The following MTG1 variants were observed in gnomAD, a reference collection of about 807,000 sequenced individuals.
MTG1 encodes mitochondrial ribosome-associated GTPase 1.
MTG1 carries 30 observed loss-of-function variants against 39.5 expected under a neutral mutation model. The ratio of observed to expected loss-of-function variants is 0.76; its 90% CI spans 0.57 to 1.03. MTG1 has a LOEUF of 1.03. Ranked by LOEUF, MTG1 falls within the 50% of genes least tolerant of loss-of-function variation. The pLI is 0.00. For missense variants in MTG1, 513 were observed against 447.4 expected (o/e 1.15, Z -1.32); for synonymous variants, 217 against 179.0 (o/e 1.21, Z -1.69).
At chr10:133,397,911 A>G (rs1246556402) in intron 3 of MTG1, among the ~76,000 whole-genome samples, 1 of 152,104 alleles carries the variant, frequency 6.6e-6, no homozygotes, top group Non-Finnish European at 1.5e-5. Flanking sequence ...TATAGGGCAC[A>G]GCAGTGTCTG....
In MTG1 at chr10:133,407,182, T is replaced by G. The variant is rs372457874; in HGVS notation, c.752+4409T>G. Among the ~76,000 whole-genome samples, 18 of 152,332 alleles carry G rather than the reference T, an allele frequency of 1.2e-4. No homozygotes were observed. The East Asian group carries it at 2.7e-3, about 23-fold the overall frequency. ...GTGTATGTGTTTTATGCCAGTAGCGTGCTGTTTTTGGTTACTACGAATATT... is the reference window on the plus strand; with the variant it reads ...GTGTATGTGTTTTATGCCAGTAGCGGGCTGTTTTTGGTTACTACGAATATT... On this transcript the variant is annotated intron_variant, in intron 9 of 10. Coordinates refer to ENST00000317502, the MANE Select transcript of MTG1 (RefSeq NM_138384.4).
In MTG1 at chr10:133,395,757, A is replaced by C. The variant is rs747179497; in HGVS notation, c.157A>C (p.Ile53Leu). ...CAGCCTGAAGCTGGTGGACTGTATC[A>C]TCGAGGTCCACGATGCCCGGATATC... is the stretch of plus-strand genomic sequence containing the variant. Reference protein sequence around the residue: ...QSSLKLVDCIIEVHDARIPLS... With the variant: ...QSSLKLVDCILEVHDARIPLS... Residue 53 changes from isoleucine to leucine, a missense_variant, in exon 2 of 11, where the codon ATC becomes CTC. Coordinates refer to ENST00000317502, the MANE Select transcript of MTG1 (RefSeq NM_138384.4). 1 of 1,614,152 alleles carries C rather than the reference A, an allele frequency of 6.2e-7. No homozygotes were observed. The highest frequency in any genetic ancestry group is 1.1e-5 in the South Asian group (1 of 91,070).
intron 9 of MTG1, among the ~76,000 whole-genome samples, chr10:133,412,596 T>G (rs1850063348): frequency 6.6e-6 from 1 of 152,234 alleles, no homozygotes; most frequent in Admixed American, 6.5e-5. Flanking sequence ...GTATTTGAGA[T>G]GTGGTGAGAA....
intron 9 of MTG1, among the ~76,000 whole-genome samples, chr10:133,415,515 G>A (rs1249728338): frequency 1.3e-5 from 2 of 152,222 alleles, no homozygotes; most frequent in Non-Finnish European, 2.9e-5. Context: ...CTGATGAGCC[G>A]TCTGCGGTCA....
At chr10:133,408,865 T>G (rs36118799) in intron 9 of MTG1, among the ~76,000 whole-genome samples, 37,348 of 152,132 alleles carry the variant, frequency 0.25, 4,792 homozygotes, top group East Asian at 0.34. Flanking sequence ...TAATGATCCC[T>G]TGTATTTCTG....
At chr10:133,395,813 T>C (rs1329930115) in intron 2 of MTG1, 36 bp downstream of exon 2, 1 of 1,597,694 alleles carries the variant, frequency 6.3e-7, no homozygotes, top group Admixed American at 1.7e-5. Flanking sequence ...CCCCTCTGCC[T>C]GAAGTCATAT....
chr10:133,415,733 C>G lies in MTG1; in HGVS notation c.753-3747C>G, dbSNP rs148700377. Among the ~76,000 whole-genome samples, 1,168 of 152,328 alleles carry G rather than the reference C, an allele frequency of 7.7e-3. 8 individuals are homozygous for G. Among genetic ancestry groups the G allele is most frequent in the South Asian group, 0.012 (58 of 4,832 alleles). On this transcript the variant is annotated intron_variant, in intron 9 of 10. Coordinates refer to ENST00000317502, the MANE Select transcript of MTG1 (RefSeq NM_138384.4). ...TTGTAGTTCATTGAGATTTTTGGAT[C>G]TGGGTCTTTGTAGTTTTCATGAAAT...
chr10:133,402,600 C>A lies in MTG1; in HGVS notation c.671-92C>A. On this transcript the variant is annotated intron_variant, in intron 8 of 10. Transcript: ENST00000317502. The surrounding 1 kb of genome is among the most constrained non-coding windows in gnomAD (Gnocchi z 4.7). ...TGGCCTCTTCCTCACGGCACGGTGT[C>A]TTTGGGCTAGGACTGGAAGGGATGT... 5.0e-6 allele frequency: 6 copies of A among 1,191,040 alleles called. No homozygotes were observed. Among genetic ancestry groups the A allele is most frequent in the Non-Finnish European group, 7.2e-6 (6 of 834,306 alleles). The allele number at this position is 1,191,040 out of a possible 1,614,324, so 73.8% of individuals were successfully genotyped here. A position where few individuals can be genotyped will look rare whatever the true frequency, so the allele number is the denominator to read the frequency against.
rs781124077 is a variant in MTG1 at position 133,395,760 on chromosome 10, G to A, written c.160G>A (p.Glu54Lys). 18 of 1,613,936 alleles carry A rather than the reference G, an allele frequency of 1.1e-5. No homozygotes were observed. In the East Asian group the frequency reaches 1.6e-4, roughly 14 times the overall value. Residue 54 changes from glutamate to lysine, a missense_variant, in exon 2 of 11, where the codon GAG (glutamate) becomes AAG (lysine). Transcript: ENST00000317502. ...CCTGAAGCTGGTGGACTGTATCATC[G>A]AGGTCCACGATGCCCGGATATCCTT... ...SSLKLVDCII[E>K]VHDARIPLSG...
chr10:133,409,179 A>G (rs554775734), intron 9 of MTG1, among the ~76,000 whole-genome samples: 27 of 152,270 alleles, frequency 1.8e-4, no homozygotes, highest in South Asian at 1.2e-3. Flanking sequence ...GTTTGTTGCT[A>G]TAAACTTCCG....
chr10:133,399,064 A>G (rs1849829489), intron 4 of MTG1, 106 bp from the exon 5 acceptor site: 4 of 1,235,452 alleles, frequency 3.2e-6, no homozygotes, highest in Non-Finnish European at 3.6e-6. Context: ...GATATGTGAA[A>G]GTGGAGACAC....
chr10:133,394,691 G>A (rs1589906433), intron 1 of MTG1: 2 of 1,096,522 alleles, frequency 1.8e-6, no homozygotes. Context: ...TGACAAGATA[G>A]ACTTTTCTGA....
intron 9 of MTG1, among the ~76,000 whole-genome samples, chr10:133,417,140 T>C (rs1487688981): frequency 6.6e-6 from 1 of 152,172 alleles, no homozygotes; most frequent in East Asian, 1.9e-4. Context: ...TGATTTGCAT[T>C]TCTCTGATGG....
chr10:133,395,390 G>A (rs1250010765), intron 1 of MTG1, among the ~76,000 whole-genome samples: 1 of 151,936 alleles, frequency 6.6e-6, no homozygotes, highest in African/African-American at 2.4e-5. Context: ...GCAAGACTCC[G>A]TCTCAGAAAA....
chr10:133,397,720 C>T (rs1338196862), intron 3 of MTG1, among the ~76,000 whole-genome samples: 7 of 151,446 alleles, frequency 4.6e-5, no homozygotes, highest in African/African-American at 1.7e-4. Context: ...CCTCATGATC[C>T]GCCCGCCTCG....
chr10:133,402,718 G>T lies in MTG1; in HGVS notation c.697G>T (p.Glu233Ter). ...AACGGTGCTGGACCACCTGGTCGGG[G>T]AGGAGACCATGGCTGACTACCTGCT... ...CGTVLDHLVG[E>*]ETMADYLLYT... is the part of the protein sequence containing the mutation. The change falls in exon 9 of 11, where the codon GAG becomes TAG. Residue 233 changes from glutamate (E) to a stop codon, truncating the protein, a stop_gained. Transcript: ENST00000317502. LOFTEE classifies it high-confidence loss of function. This position sits in a 1 kb window ranked among gnomAD's most constrained non-coding sequence, Gnocchi z 4.7. 1 of 1,608,388 alleles carries T rather than the reference G, an allele frequency of 6.2e-7. No individual in the cohort carries two copies.
intron 9 of MTG1, among the ~76,000 whole-genome samples, chr10:133,414,939 G>A (rs1197560047): frequency 2.0e-5 from 3 of 152,236 alleles, no homozygotes; most frequent in East Asian, 1.9e-4. Flanking sequence ...CGAGGCTGGC[G>A]GATCACTTGT....
chr10:133,394,183 A>T lies in MTG1; in HGVS notation c.-38A>T. On this transcript the variant is annotated 5_prime_UTR_variant, in exon 1 of 11. Transcript: ENST00000317502. ...GAGGCGGGTCGCAGCGGCGCAGAGG[A>T]GGTCAGCTGCGGGAGCGTTTCCGGG... 6.9e-7 allele frequency: 1 copy of T among 1,443,966 alleles called. No homozygotes were observed. Among genetic ancestry groups the T allele is most frequent in the Non-Finnish European group, 9.3e-7 (1 of 1,075,984 alleles). 89.4% of individuals were successfully genotyped at this position (1,443,966 alleles called of 1,614,324 possible).
chr10:133,394,584 T>C, intron 1 of MTG1: 1 of 1,318,886 alleles, frequency 7.6e-7, no homozygotes, highest in South Asian at 1.9e-5. Flanking sequence ...CAGGGCCTGC[T>C]TGACCTCCTA....
Sources: gnomAD v4.1 joint callset for allele counts (sites outside exome capture counted in the v4.1 genomes callset) on GRCh38, gnomAD v4.1.1 for gene constraint, Gnocchi (gnomAD v3.1) non-coding constraint, MANE v1.5 for transcripts, NCBI Gene and HGNC (gene_info 2026-07-23, HGNC 2026-07-21) for gene names.